Variants in DRC1 observed in about 807,000 individuals in gnomAD.
The protein encoded by DRC1 is dynein regulatory complex protein 1.
In DRC1, 74 loss-of-function variants were observed where a neutral mutation model predicts 98.7. The ratio of observed to expected loss-of-function variants is 0.75; its 90% CI spans 0.62 to 0.91. The LOEUF (loss-of-function observed/expected upper bound fraction) is 0.91. Among genes scored for constraint, DRC1 ranks in the 40% least tolerant of loss-of-function variants. The pLI, the probability that DRC1 is intolerant of heterozygous loss-of-function variation, is 0.00. For synonymous variants in DRC1, 336 were observed against 334.1 expected, an observed-to-expected ratio of 1.01 and a Z score of -0.06; for missense variants, 875 against 886.0, an observed-to-expected ratio of 0.99 and a Z score of 0.16.
intron 7 of DRC1, 103 bp from the exon 8 acceptor site, chr2:26,440,270 ATACTC>A (rs1663681304): frequency 2.4e-6 from 3 of 1,261,396 alleles, no homozygotes; most frequent in Non-Finnish European, 2.0e-6. Context: ...GACATTTTAA[ATACTC>A]TAGTGTATAT....
intron 4 of DRC1, among the ~76,000 whole-genome samples, chr2:26,427,473 T>C (rs1016236607): frequency 6.6e-6 from 1 of 152,074 alleles, no homozygotes; most frequent in Admixed American, 6.6e-5. Flanking sequence ...ATTTATGGGG[T>C]ATATAAGATA....
At chr2:26,435,902 T>C (rs900975865) in intron 7 of DRC1, among the ~76,000 whole-genome samples, 12 of 152,340 alleles carry the variant, frequency 7.9e-5, no homozygotes, top group African/African-American at 2.6e-4. Flanking sequence ...CTATTGTGAA[T>C]AGGCTGCAAT....
In DRC1 at chr2:26,450,425, G is replaced by A. The variant is rs528504538; in HGVS notation, c.1600-167G>A. 1.4e-4 allele frequency among the ~76,000 whole-genome samples: 21 copies of A among 152,316 alleles called. No homozygotes were observed. In the South Asian group the frequency reaches 3.3e-3, roughly 24 times the overall value. ...TCCTGGCTCTATGAGCATTGTTTCC[G>A]TGTGTTCTGATGTGTGTGTCCCCAA... On this transcript the variant is annotated intron_variant, in intron 12 of 16. Transcript: ENST00000288710.
chr2:26,408,900 C>G (rs1344220747), intron 1 of DRC1, among the ~76,000 whole-genome samples: 1 of 152,058 alleles, frequency 6.6e-6, no homozygotes, highest in Non-Finnish European at 1.5e-5. Flanking sequence ...TCACAGCTCC[C>G]GTCAGCTTTA....
intron 3 of DRC1, among the ~76,000 whole-genome samples, chr2:26,423,007 G>A (rs1663185702): frequency 6.6e-6 from 1 of 151,196 alleles, no homozygotes; most frequent in South Asian, 2.1e-4. Context: ...ATTTTTAGTT[G>A]TTCAGCATAA....
At chr2:26,442,130 C>T (rs1485175032) in intron 8 of DRC1, among the ~76,000 whole-genome samples, 1 of 152,194 alleles carries the variant, frequency 6.6e-6, no homozygotes, top group Non-Finnish European at 1.5e-5. Context: ...AGCGGGAGAG[C>T]AAGCTGGCCT....
intron 10 of DRC1, 69 bp from the exon 11 acceptor site, chr2:26,448,622 C>T (rs940875140): frequency 2.3e-5 from 34 of 1,509,820 alleles, no homozygotes; most frequent in Non-Finnish European, 3.1e-5. Context: ...CTGACTGTTT[C>T]TCAGAGTCAA....
intron 13 of DRC1, among the ~76,000 whole-genome samples, chr2:26,452,916 A>G (rs1249129582): frequency 1.3e-5 from 2 of 152,238 alleles, no homozygotes; most frequent in East Asian, 3.8e-4. Context: ...ACCATAGGAA[A>G]CTTGATAGCA....
chr2:26,431,844 G>C (rs769881446), intron 6 of DRC1, 40 bp from the exon 7 acceptor site: 1 of 1,610,904 alleles, frequency 6.2e-7, no homozygotes, highest in East Asian at 2.2e-5. Flanking sequence ...GTGGGGCAAG[G>C]ATGGTCCCTA....
At chr2:26,416,610 G>T (rs1320165535) in intron 2 of DRC1, among the ~76,000 whole-genome samples, 1 of 152,120 alleles carries the variant, frequency 6.6e-6, no homozygotes, top group East Asian at 1.9e-4. Context: ...TAAGGGTAGG[G>T]TTCCAGGTTC....
At chr2:26,432,531 A>G (rs1558445665) in intron 7 of DRC1, among the ~76,000 whole-genome samples, 1 of 151,698 alleles carries the variant, frequency 6.6e-6, no homozygotes, top group Admixed American at 6.6e-5. Flanking sequence ...AGTAAGAGAG[A>G]AAAAGAAAGA....
intron 2 of DRC1, among the ~76,000 whole-genome samples, chr2:26,417,672 T>G (rs1177679062): frequency 6.6e-6 from 1 of 152,234 alleles, no homozygotes; most frequent in Non-Finnish European, 1.5e-5. Flanking sequence ...AATCAGCTTG[T>G]CAATTTCTAC....
chr2:26,426,934 T>C (rs544631612), intron 4 of DRC1, among the ~76,000 whole-genome samples: 1 of 152,304 alleles, frequency 6.6e-6, no homozygotes, highest in Admixed American at 6.5e-5. Flanking sequence ...CTTCTCTGAT[T>C]TCTTTTAGTA....
chr2:26,425,234 G>C (rs1011587340), intron 4 of DRC1, among the ~76,000 whole-genome samples: 1 of 152,170 alleles, frequency 6.6e-6, no homozygotes, highest in Non-Finnish European at 1.5e-5. Flanking sequence ...GGACTTCGTT[G>C]TAGCACGTGA....
At chr2:26,402,356 A>C (rs1215294002) in intron 1 of DRC1, among the ~76,000 whole-genome samples, 1 of 152,212 alleles carries the variant, frequency 6.6e-6, no homozygotes, top group Non-Finnish European at 1.5e-5. Context: ...GGAGATGGTC[A>C]ACCTGGGCAG....
intron 4 of DRC1, among the ~76,000 whole-genome samples, chr2:26,429,316 A>C (rs541655780): frequency 6.6e-6 from 1 of 151,896 alleles, no homozygotes; most frequent in South Asian, 2.1e-4. Flanking sequence ...TCTGGGCTCA[A>C]GCGATCCTCC....
chr2:26,452,799 A>G (rs1042443358), intron 13 of DRC1, among the ~76,000 whole-genome samples: 1 of 152,222 alleles, frequency 6.6e-6, no homozygotes, highest in Non-Finnish European at 1.5e-5. Flanking sequence ...CTCTATTTGT[A>G]GTATAGTATC....
chr2:26,431,451 A>C (rs1663435868), intron 6 of DRC1, among the ~76,000 whole-genome samples: 1 of 152,066 alleles, frequency 6.6e-6, no homozygotes, highest in African/African-American at 2.4e-5. Context: ...CCAGCTGTGA[A>C]TATTCATGGC....
chr2:26,402,111 T>G lies in DRC1; in HGVS notation c.122T>G (p.Leu41Arg). 1 of 1,611,440 alleles carries G rather than the reference T, an allele frequency of 6.2e-7. No homozygotes were observed. The highest frequency in any genetic ancestry group is 1.1e-5 in the South Asian group (1 of 90,926). The change falls in exon 1 of 17, where the codon CTC becomes CGC. Residue 41 changes from leucine (L) to arginine (R), a missense_variant. Physicochemically the swap from Leu to Arg is moderately radical, Grantham distance 102. Transcript: ENST00000288710. ...CAGGAGCGCATCCAGGCCCGGCGCC[T>G]CCGCATCGCTGCGCGCTTAGAAGCC... ...NSQERIQARR[L>R]RIAARLEARR... is the part of the protein sequence containing the mutation.
Sources: gnomAD v4.1 joint callset for allele counts (sites outside exome capture counted in the v4.1 genomes callset) on GRCh38, gnomAD v4.1.1 for gene constraint, MANE v1.5 for transcripts, NCBI Gene and HGNC (gene_info 2026-07-23, HGNC 2026-07-21) for gene names.